CSMD1: variants seen among roughly 807,000 people sequenced by gnomAD.
The protein encoded by CSMD1 is CUB and sushi domain-containing protein 1.
CSMD1 carries 213 observed loss-of-function variants against 417.5 expected under a neutral mutation model. The observed-to-expected ratio is 0.51, with a 90% CI of 0.46 to 0.57. CSMD1 has a LOEUF of 0.57. Ranked by LOEUF, CSMD1 falls within the 20% of genes least tolerant of loss-of-function variation. The probability of loss-of-function intolerance (pLI) is 0.00; values close to 1 mark genes in which losing one functional copy is unlikely to be tolerated. For missense variants in CSMD1, 6,923 were observed against 4,529.7 expected, an observed-to-expected ratio of 1.53 and a Z score of -15.17; for synonymous variants, 2,862 against 1,736.8, an observed-to-expected ratio of 1.65 and a Z score of -16.11.
At chr8:4,527,106 T>C (rs536118732) in intron 2 of CSMD1, among the ~76,000 whole-genome samples, 1 of 152,358 alleles carries the variant, frequency 6.6e-6, no homozygotes, top group African/African-American at 2.4e-5. Flanking sequence ...CGGAGGATTC[T>C]AACTTGCTTT....
At chr8:4,409,370 C>G (rs926897165) in intron 3 of CSMD1, among the ~76,000 whole-genome samples, 4 of 152,072 alleles carry the variant, frequency 2.6e-5, no homozygotes, top group African/African-American at 9.7e-5. Context: ...TTGCCTCAGA[C>G]TAACAAAAGA....
intron 2 of CSMD1, among the ~76,000 whole-genome samples, chr8:4,542,251 C>CT (rs1036146000): frequency 1.4e-4 from 21 of 151,860 alleles, no homozygotes; most frequent in African/African-American, 3.1e-4. Context: ...GTTAAAATAC[C>CT]TTTTTTTTGA....
At chr8:4,474,737 G>A (rs1171166436) in intron 2 of CSMD1, among the ~76,000 whole-genome samples, 1 of 152,088 alleles carries the variant, frequency 6.6e-6, no homozygotes, top group Admixed American at 6.6e-5. Flanking sequence ...CTGCCATCCG[G>A]AGACAGCAAA....
chr8:3,991,672 T>G (rs1437913626), intron 5 of CSMD1, among the ~76,000 whole-genome samples: 4 of 152,182 alleles, frequency 2.6e-5, no homozygotes, highest in African/African-American at 9.7e-5. Context: ...AGAAGGTTGC[T>G]GAAGAAATTC....
At chr8:4,510,361 T>C (rs1384780256) in intron 2 of CSMD1, among the ~76,000 whole-genome samples, 1 of 115,816 alleles carries the variant, frequency 8.6e-6, no homozygotes, top group Non-Finnish European at 1.8e-5. Context: ...TTCTTATATT[T>C]TTTGTAGACA....
chr8:4,622,020 C>T (rs935337005), intron 2 of CSMD1, among the ~76,000 whole-genome samples: 1 of 151,792 alleles, frequency 6.6e-6, no homozygotes, highest in African/African-American at 2.4e-5. Context: ...TGATAGGAAA[C>T]TTTCTCAAGC....
chr8:3,885,096 T>C (rs1411144212), intron 5 of CSMD1, among the ~76,000 whole-genome samples: 1 of 152,090 alleles, frequency 6.6e-6, no homozygotes, highest in Non-Finnish European at 1.5e-5. Context: ...CTCATATACA[T>C]GCTTATCAGA....
intron 1 of CSMD1, among the ~76,000 whole-genome samples, chr8:4,915,445 C>T (rs759528676): frequency 1.3e-5 from 2 of 152,216 alleles, no homozygotes; most frequent in African/African-American, 4.8e-5. Context: ...TTGGAAACCA[C>T]ATATCTGCGT....
At chr8:4,274,947 C>G (rs1393197550) in intron 3 of CSMD1, among the ~76,000 whole-genome samples, 2 of 152,212 alleles carry the variant, frequency 1.3e-5, no homozygotes, top group East Asian at 1.9e-4. Context: ...TTCTTGAGAG[C>G]CATCAACAAA....
chr8:4,179,298 G>A (rs1194099371), intron 3 of CSMD1, among the ~76,000 whole-genome samples: 1 of 152,064 alleles, frequency 6.6e-6, no homozygotes, highest in African/African-American at 2.4e-5. Context: ...TCTGATCTTT[G>A]ACAAACCTGA....
At chr8:3,600,301 G>C (rs1232049561) in intron 8 of CSMD1, among the ~76,000 whole-genome samples, 3 of 152,178 alleles carry the variant, frequency 2.0e-5, no homozygotes, top group South Asian at 2.1e-4. Flanking sequence ...TGGTGCCAAA[G>C]GGCATTTAAT....
At chr8:3,405,368 C>A (rs868068844) in intron 15 of CSMD1, among the ~76,000 whole-genome samples, 3 of 152,122 alleles carry the variant, frequency 2.0e-5, no homozygotes, top group African/African-American at 4.8e-5. Context: ...AAAATATTTT[C>A]CTCTCTATAT....
chr8:4,154,471 G>A (rs774568972), intron 3 of CSMD1, among the ~76,000 whole-genome samples: 16 of 152,142 alleles, frequency 1.1e-4, no homozygotes, highest in East Asian at 7.7e-4. Context: ...ATCTGTGGAA[G>A]GAGAATGGTT....
At chr8:4,834,758 C>T (rs547362138) in intron 1 of CSMD1, among the ~76,000 whole-genome samples, 2 of 151,466 alleles carry the variant, frequency 1.3e-5, no homozygotes, top group South Asian at 4.2e-4. Context: ...AGATCGAGAC[C>T]ATCCTGGCTA....
intron 50 of CSMD1, among the ~76,000 whole-genome samples, chr8:3,035,899 G>T (rs1183606959): frequency 6.6e-6 from 1 of 152,002 alleles, no homozygotes; most frequent in African/African-American, 2.4e-5. Context: ...AACTATAAAG[G>T]AATAATTTTC....
chr8:3,215,184 C>G, intron 29 of CSMD1, among the ~76,000 whole-genome samples: 1 of 152,170 alleles, frequency 6.6e-6, no homozygotes, highest in East Asian at 1.9e-4. Context: ...AGAGCACTTT[C>G]TTATACGAAT....
At chr8:4,044,176 T>C (rs73658541) in intron 3 of CSMD1, among the ~76,000 whole-genome samples, 5,879 of 152,254 alleles carry the variant, frequency 0.039, 362 homozygotes, top group African/African-American at 0.12. Flanking sequence ...GGTGGACTCA[T>C]TCATTCTAAA....
intron 23 of CSMD1, among the ~76,000 whole-genome samples, chr8:3,342,757 G>A (rs1025600026): frequency 6.6e-6 from 1 of 152,084 alleles, no homozygotes; most frequent in South Asian, 2.1e-4. Flanking sequence ...GTTATCTCTG[G>A]CAAGTATTCA....
At position 2,947,605 on chromosome 8, in the gene CSMD1, C is replaced by G. The variant is rs144632301; in HGVS notation, c.10402+1694G>C. Among the ~76,000 whole-genome samples, 425 of 152,236 alleles carry G rather than the reference C, an allele frequency of 2.8e-3. 2 individuals are homozygous for G. The highest frequency in any genetic ancestry group is 9.5e-3 in the African/African-American group (396 of 41,546). ...AACGTGTAATAGCAAACTGATAGTT[C>G]AGGTCAAATTCATTGGATCAGTCAA... On this transcript the variant is annotated intron_variant, in intron 68 of 69. Coordinates refer to ENST00000635120, the MANE Select transcript of CSMD1 (RefSeq NM_033225.6).
Sources: allele counts gnomAD v4.1 joint callset (sites outside exome capture counted in the v4.1 genomes callset), GRCh38; gene constraint gnomAD v4.1.1; transcripts MANE v1.5; gene names NCBI Gene and HGNC (gene_info 2026-07-23, HGNC 2026-07-21).